STXBP3: variants seen among roughly 807,000 people sequenced by gnomAD.
The protein encoded by STXBP3 is syntaxin binding protein 3.
A neutral mutation model predicts 85.7 loss-of-function variants in STXBP3; 41 were observed. The observed-to-expected ratio is 0.48, with a 90% CI of 0.37 to 0.62. The LOEUF is 0.62. STXBP3 is among the 20% of genes least tolerant of loss of function. The pLI is 0.00. For synonymous variants in STXBP3, 229 were observed against 231.7 expected, an observed-to-expected ratio of 0.99 and a Z score of 0.10; for missense variants, 563 against 703.1, an observed-to-expected ratio of 0.80 and a Z score of 2.25.
intron 17 of STXBP3, among the ~76,000 whole-genome samples, chr1:108,802,651 A>G (rs1416430375): frequency 1.3e-5 from 2 of 152,202 alleles, no homozygotes; most frequent in Non-Finnish European, 2.9e-5. Context: ...GCAGATATTC[A>G]AGATTAAATG....
rs375887364 is a variant in STXBP3 at position 108,807,576 on chromosome 1, GTTTTTTT to G, written c.1684+38_1684+44del. 6,468 of 1,342,660 alleles carry G rather than the reference GTTTTTTT, an allele frequency of 4.8e-3. 18 individuals are homozygous for G. Among genetic ancestry groups the G allele is most frequent in the Non-Finnish European group, 5.8e-3 (5,826 of 1,011,776 alleles). 83.2% of individuals were successfully genotyped at this position (1,342,660 alleles called of 1,614,324 possible). On this transcript the variant is annotated intron_variant, in intron 18 of 18. Coordinates refer to ENST00000370008, the MANE Select transcript of STXBP3 (RefSeq NM_007269.4). ...TAAGACTTTCATTTTCTTCTTTTCT[GTTTTTTT>G]TTTTTTTTTTGAGACTAAGTCTCGG...
chr1:108,762,294 A>G (rs1474941796), intron 6 of STXBP3, among the ~76,000 whole-genome samples: 1 of 152,232 alleles, frequency 6.6e-6, no homozygotes, highest in Non-Finnish European at 1.5e-5. Flanking sequence ...ACTAGGCTCA[A>G]CTAATTAAAA....
At position 108,796,681 on chromosome 1, in the gene STXBP3, C is replaced by T. The variant is rs2101133314; in HGVS notation, c.1311C>T (p.Asp437=). Residue 437 remains aspartate (D), a synonymous_variant, in exon 15 of 19, where the codon GAC becomes GAT. Coordinates refer to ENST00000370008, the MANE Select transcript of STXBP3 (RefSeq NM_007269.4). The part of the protein sequence containing the change: ...IQNVKIENES[D]MIRNWSYLGV... Reference sequence around the variant, plus strand: ...ATGTAAAGATAGAAAATGAGAGTGACATGATTCGTAACTGGAGTTACCTTG... The same window carrying T: ...ATGTAAAGATAGAAAATGAGAGTGATATGATTCGTAACTGGAGTTACCTTG... The T allele has an allele frequency of 6.2e-7, 1 of 1,613,606 alleles. No homozygotes were observed. Among genetic ancestry groups the T allele is most frequent in the Non-Finnish European group, 8.5e-7 (1 of 1,179,814 alleles).
In STXBP3 at chr1:108,772,451, A is replaced by T. The variant is rs1244804612; in HGVS notation, c.439-214A>T. 2.1e-5 allele frequency among the ~76,000 whole-genome samples: 3 copies of T among 143,656 alleles called. 1 individual carries two copies. Among genetic ancestry groups the T allele is most frequent in the Non-Finnish European group, 4.5e-5 (3 of 66,590 alleles). The allele number at this position is 143,656 out of a possible 152,430, so 94.2% of individuals were successfully genotyped here. A position where few individuals can be genotyped will look rare whatever the true frequency, so the allele number is the denominator to read the frequency against. ...TACATATGATATCTATCTGTATAAT[A>T]TATAAATACATATATCTATCTGTAT... On this transcript the variant is annotated intron_variant, in intron 6 of 18. Coordinates refer to ENST00000370008, the MANE Select transcript of STXBP3 (RefSeq NM_007269.4).
chr1:108,797,565 G>C (rs942731054), intron 15 of STXBP3, among the ~76,000 whole-genome samples: 1 of 150,628 alleles, frequency 6.6e-6, no homozygotes, highest in South Asian at 2.1e-4. Context: ...CCTGCCATCC[G>C]CCCAGCTAAT....
At position 108,807,339 on chromosome 1, in the gene STXBP3, G is replaced by A. The variant is rs187835983; in HGVS notation, c.1536-62G>A. The A allele has an allele frequency of 1.9e-4, 280 of 1,513,080 alleles. No individual in the cohort carries two copies. In the African/African-American group the frequency reaches 2.8e-3, roughly 15 times the overall value. 93.7% of individuals were successfully genotyped at this position (1,513,080 alleles called of 1,614,324 possible). On this transcript the variant is annotated intron_variant, in intron 17 of 18. Coordinates refer to ENST00000370008, the MANE Select transcript of STXBP3 (RefSeq NM_007269.4). Reference sequence around the variant, plus strand: ...TGAGTTAGGCTTTTTAAGTCTACAAGCATTATGGCTTTGGAAATGTTTATA... The same window carrying A: ...TGAGTTAGGCTTTTTAAGTCTACAAACATTATGGCTTTGGAAATGTTTATA...
intron 11 of STXBP3, among the ~76,000 whole-genome samples, chr1:108,787,218 C>G (rs1015998243): frequency 6.6e-6 from 1 of 152,056 alleles, no homozygotes; most frequent in Admixed American, 6.6e-5. Context: ...AATCCCCCCA[C>G]CCTTGCCTCC....
chr1:108,788,996 G>A (rs549914390), intron 11 of STXBP3, among the ~76,000 whole-genome samples: 4 of 152,216 alleles, frequency 2.6e-5, no homozygotes, highest in South Asian at 2.1e-4. Context: ...CCTGGGAGAC[G>A]GAGGTTGCAG....
At chr1:108,766,446 T>C (rs1336031747) in intron 6 of STXBP3, among the ~76,000 whole-genome samples, 4 of 152,172 alleles carry the variant, frequency 2.6e-5, no homozygotes, top group Non-Finnish European at 5.9e-5. Context: ...TTTAAAAATA[T>C]CTATTTTTAA....
Position 108,772,809 on chromosome 1 carries a change from A to G in STXBP3, c.583A>G (p.Arg195Gly), listed in dbSNP as rs764160747. 2 of 1,594,272 alleles carry G rather than the reference A, an allele frequency of 1.3e-6. No individual in the cohort carries two copies. Among genetic ancestry groups the G allele is most frequent in the East Asian group, 2.3e-5 (1 of 43,382 alleles). The change falls in exon 7 of 19, where the codon AGA becomes GGA. Residue 195 changes from arginine to glycine, a missense_variant. Arg to Gly is a moderately radical substitution (Grantham distance 125). Coordinates refer to ENST00000370008, the MANE Select transcript of STXBP3 (RefSeq NM_007269.4). The part of the protein sequence containing the change: ...CATLDENPGV[R>G]YKSKPLDNAS... ...CACCTTGGATGAAAATCCCGGAGTAAGATATAAAAGGTAAGACACTGAGCA... is the reference window on the plus strand; with the variant it reads ...CACCTTGGATGAAAATCCCGGAGTAGGATATAAAAGGTAAGACACTGAGCA...
chr1:108,776,200 CAT>C (rs1318506042), intron 7 of STXBP3, 131 bp from the exon 8 acceptor site: 9 of 497,460 alleles, frequency 1.8e-5, no homozygotes, highest in African/African-American at 1.5e-4. Context: ...TGAACTTTTA[CAT>C]GTTTATAAAA....
At position 108,769,453 on chromosome 1, in the gene STXBP3, A is replaced by G. The variant is rs139418973; in HGVS notation, c.439-3212A>G. ...CAAGAATATGAGGGAGTTTGTTTACAGTGAACCTTAGTGAGTACAGAGAGT... is the reference window on the plus strand; with the variant it reads ...CAAGAATATGAGGGAGTTTGTTTACGGTGAACCTTAGTGAGTACAGAGAGT... On this transcript the variant is annotated intron_variant, in intron 6 of 18. Coordinates refer to ENST00000370008, the MANE Select transcript of STXBP3 (RefSeq NM_007269.4). Among the ~76,000 whole-genome samples the G allele has an allele frequency of 4.8e-3, 733 of 152,346 alleles. 11 individuals are homozygous for G. Among genetic ancestry groups the G allele is most frequent in the African/African-American group, 0.017 (702 of 41,578 alleles).
chr1:108,787,807 A>G (rs1662891449), intron 11 of STXBP3, among the ~76,000 whole-genome samples: 1 of 151,446 alleles, frequency 6.6e-6, no homozygotes, highest in Non-Finnish European at 1.5e-5. Flanking sequence ...CTTTTTTTTA[A>G]GAGACAGGGT....
intron 9 of STXBP3, chr1:108,780,021 A>G (rs941110881): frequency 2.0e-5 from 3 of 152,120 alleles, no homozygotes; most frequent in Non-Finnish European, 4.4e-5. Context: ...TTTATGGTGT[A>G]TGTGTTACAT....
intron 3 of STXBP3, among the ~76,000 whole-genome samples, chr1:108,755,589 A>G (rs935495736): frequency 2.6e-5 from 4 of 152,116 alleles, no homozygotes; most frequent in Non-Finnish European, 5.9e-5. Flanking sequence ...TGTTATTAAT[A>G]AAGAGATTTC....
In STXBP3 at chr1:108,777,880, T is replaced by C. The variant is rs146474863; in HGVS notation, c.685-1406T>C. On this transcript the variant is annotated intron_variant, in intron 8 of 18. Transcript: ENST00000370008. ...TATTGCACTTTTTCCTGTTTATATT[T>C]CTGAAGATTCATAGCTCATATTTTT... Among the ~76,000 whole-genome samples the C allele has an allele frequency of 6.6e-5, 10 of 152,302 alleles. No individual in the cohort carries two copies. The East Asian group carries it at 1.7e-3, about 26-fold the overall frequency.
Position 108,779,326 on chromosome 1 carries a change from T to C in STXBP3, c.725T>C (p.Phe242Ser). The change falls in exon 9 of 19, where the codon TTT (phenylalanine) becomes TCT (serine). Residue 242 changes from phenylalanine to serine, a missense_variant. Physicochemically the swap from Phe to Ser is radical, Grantham distance 155 (BLOSUM62 -2). Transcript: ENST00000370008. ...CAGCTCTTAATAATTGATCGTGGCT[T>C]TGATCCTGTGTCCACTGTCCTGCAT... ...HSQLLIIDRGFDPVSTVLHEL... is the reference protein window; with the variant it reads ...HSQLLIIDRGSDPVSTVLHEL... 1 of 1,613,364 alleles carries C rather than the reference T, an allele frequency of 6.2e-7. No homozygotes were observed. Among genetic ancestry groups the C allele is most frequent in the East Asian group, 2.2e-5 (1 of 44,852 alleles).
At chr1:108,769,842 A>G (rs1218251712) in intron 6 of STXBP3, among the ~76,000 whole-genome samples, 1 of 152,308 alleles carries the variant, frequency 6.6e-6, no homozygotes, top group South Asian at 2.1e-4. Flanking sequence ...TGTGTTGTCC[A>G]TTGTTGTTTG....
At position 108,752,282 on chromosome 1, in the gene STXBP3, C is replaced by T; in HGVS notation, c.75C>T (p.Asp25=). ...WQKIKATVFD[D]CKKEGEWKIM... ...AGATAAAAGCAACAGTGTTTGATGA[C>T]TGCAAGAAAGAAGGCGAATGGAAGG... Residue 25 remains aspartate, a synonymous_variant, in exon 2 of 19, where the codon GAC becomes GAT. Transcript: ENST00000370008. The T allele has an allele frequency of 6.2e-7, 1 of 1,611,312 alleles. No homozygotes were observed.
Sources: allele counts gnomAD v4.1 joint callset (sites outside exome capture counted in the v4.1 genomes callset), GRCh38; gene constraint gnomAD v4.1.1; transcripts MANE v1.5; gene names NCBI Gene and HGNC (gene_info 2026-07-23, HGNC 2026-07-21).